The following NRP1 variants were observed in gnomAD, a reference collection of about 807,000 sequenced individuals.
NRP1 encodes the protein neuropilin 1, also known as neuropilin-1.
In NRP1, 35 loss-of-function variants were observed where a neutral mutation model predicts 106.7. The ratio of observed to expected loss-of-function variants is 0.33; its 90% CI spans 0.25 to 0.43. The LOEUF is 0.43. NRP1 is among the 20% of genes least tolerant of loss of function. The pLI is 1.00. For missense variants in NRP1, 1,024 were observed against 1,170.4 expected, an observed-to-expected ratio of 0.87 and a Z score of 1.83; for synonymous variants, 437 against 417.9, an observed-to-expected ratio of 1.05 and a Z score of -0.56.
At chr10:33,285,833 A>AAAAACAAAACAAAACAAAAC (rs56400487) in intron 2 of NRP1, among the ~76,000 whole-genome samples, 20 of 148,178 alleles carry the variant, frequency 1.3e-4, no homozygotes, top group African/African-American at 3.0e-4. Context: ...ACTCCATCTC[A>AAAAACAAAACAAAACAAAAC]AAAACAAAAC....
At chr10:33,219,253 CACAGA>C (rs1839032856) in intron 8 of NRP1, among the ~76,000 whole-genome samples, 1 of 152,182 alleles carries the variant, frequency 6.6e-6, no homozygotes, top group Admixed American at 6.5e-5. Context: ...AGGTGATCCT[CACAGA>C]CCAGAAAACG....
At chr10:33,186,158 C>T in intron 14 of NRP1, 59 bp downstream of exon 14, 8 of 1,521,108 alleles carry the variant, frequency 5.3e-6, no homozygotes, top group Non-Finnish European at 7.1e-6. Flanking sequence ...CAGCCTCCAA[C>T]ATATCATCTC....
intron 4 of NRP1, among the ~76,000 whole-genome samples, chr10:33,259,241 G>T (rs1393125314): frequency 2.0e-5 from 3 of 152,200 alleles, no homozygotes; most frequent in South Asian, 2.1e-4. Flanking sequence ...TTTAAGACAT[G>T]CTGGGTAAAT....
At chr10:33,210,967 G>T (rs1838255192) in intron 9 of NRP1, among the ~76,000 whole-genome samples, 1 of 152,190 alleles carries the variant, frequency 6.6e-6, no homozygotes. Flanking sequence ...AGGAATCATA[G>T]ATTAGGCTGT....
intron 12 of NRP1, chr10:33,194,864 G>A: frequency 2.2e-6 from 1 of 452,932 alleles, no homozygotes. Flanking sequence ...AGGAGAAAGG[G>A]AGAGAGAAAA....
At chr10:33,328,565 C>T (rs1326524092) in intron 2 of NRP1, among the ~76,000 whole-genome samples, 1 of 152,130 alleles carries the variant, frequency 6.6e-6, no homozygotes, top group African/African-American at 2.4e-5. Context: ...ATTGTAAGCC[C>T]TTTACATATA....
intron 2 of NRP1, among the ~76,000 whole-genome samples, chr10:33,296,642 A>AC (rs996667143): frequency 3.9e-5 from 6 of 152,220 alleles, no homozygotes; most frequent in African/African-American, 1.4e-4. Flanking sequence ...CCAAGGCTTC[A>AC]CCCCTAGATT....
intron 2 of NRP1, among the ~76,000 whole-genome samples, chr10:33,317,987 T>C (rs1847159045): frequency 1.3e-5 from 2 of 152,248 alleles, no homozygotes; most frequent in South Asian, 2.1e-4. Flanking sequence ...TCTGAACTTA[T>C]TTAAGGAACC....
At chr10:33,305,277 A>G (rs2132730902) in intron 2 of NRP1, among the ~76,000 whole-genome samples, 1 of 152,334 alleles carries the variant, frequency 6.6e-6, no homozygotes, top group Non-Finnish European at 1.5e-5. Flanking sequence ...TATAATGTGG[A>G]CATCCTAGGA....
intron 2 of NRP1, among the ~76,000 whole-genome samples, chr10:33,306,274 G>C (rs1208607481): frequency 1.3e-5 from 2 of 151,994 alleles, no homozygotes; most frequent in African/African-American, 4.8e-5. Flanking sequence ...AAAAGAGGCA[G>C]GACAATGAGT....
intron 5 of NRP1, 29 bp downstream of exon 5, chr10:33,256,287 A>T (rs752906755): frequency 9.9e-6 from 16 of 1,610,970 alleles, no homozygotes; most frequent in Non-Finnish European, 1.4e-5. Flanking sequence ...TATTTACCAC[A>T]GGGCTTTGCA....
chr10:33,254,674 C>G (rs1263716467), intron 5 of NRP1, among the ~76,000 whole-genome samples: 1 of 152,184 alleles, frequency 6.6e-6, no homozygotes, highest in Non-Finnish European at 1.5e-5. Flanking sequence ...CTTTCAGATT[C>G]TACTATTGGC....
chr10:33,267,962 G>A lies in NRP1; in HGVS notation c.430+2713C>T, dbSNP rs542077625. On this transcript the variant is annotated intron_variant, in intron 3 of 16. Coordinates refer to ENST00000374867, the MANE Select transcript of NRP1 (RefSeq NM_003873.7). ...TCTCTTAGAACTGTGACCTCACACC[G>A]GAAACCTCAAGGCCATTCTGGTTGC... 5.9e-5 allele frequency among the ~76,000 whole-genome samples: 9 copies of A among 152,204 alleles called. No homozygotes were observed. The South Asian group carries it at 1.9e-3, about 32-fold the overall frequency.
intron 3 of NRP1, among the ~76,000 whole-genome samples, chr10:33,266,183 G>A (rs955767683): frequency 6.6e-6 from 1 of 152,130 alleles, no homozygotes; most frequent in African/African-American, 2.4e-5. Context: ...AAAAATGACA[G>A]GAATTAAGGT....
chr10:33,279,724 A>G (rs1385469839), intron 2 of NRP1, among the ~76,000 whole-genome samples: 1 of 152,112 alleles, frequency 6.6e-6, no homozygotes, highest in Non-Finnish European at 1.5e-5. Flanking sequence ...GCCTACCACT[A>G]AGACCACGCT....
intron 8 of NRP1, among the ~76,000 whole-genome samples, chr10:33,219,573 T>C (rs560391978): frequency 6.6e-6 from 1 of 152,256 alleles, no homozygotes; most frequent in East Asian, 1.9e-4. Context: ...TATGCTATTT[T>C]AGACATCTAA....
intron 2 of NRP1, among the ~76,000 whole-genome samples, chr10:33,323,247 A>G (rs995213209): frequency 2.6e-5 from 4 of 151,838 alleles, no homozygotes; most frequent in African/African-American, 9.7e-5. Context: ...TTTTCAAAAA[A>G]AAACCAGTCA....
intron 2 of NRP1, among the ~76,000 whole-genome samples, chr10:33,299,637 T>C (rs1489984306): frequency 6.6e-6 from 1 of 152,024 alleles, no homozygotes; most frequent in Non-Finnish European, 1.5e-5. Flanking sequence ...AATTTAAAAA[T>C]CGGCTGGTTT....
intron 16 of NRP1, among the ~76,000 whole-genome samples, chr10:33,180,691 A>C (rs937277861): frequency 6.6e-6 from 1 of 152,226 alleles, no homozygotes; most frequent in Admixed American, 6.5e-5. Flanking sequence ...GTGATCATTA[A>C]GTTTTGCAAA....
Sources: gnomAD v4.1 joint callset for allele counts (sites outside exome capture counted in the v4.1 genomes callset) on GRCh38, gnomAD v4.1.1 for gene constraint, MANE v1.5 for transcripts, NCBI Gene and HGNC (gene_info 2026-07-23, HGNC 2026-07-21) for gene names.